PIGL: variants seen among roughly 807,000 people sequenced by gnomAD.
PIGL encodes N-acetylglucosaminyl-phosphatidylinositol de-N-acetylase.
In PIGL, 22 loss-of-function variants were observed where a neutral mutation model predicts 31.1. That is an observed-to-expected ratio of 0.71 (90% CI 0.51 to 1.01). The LOEUF is 1.01. Among genes scored for constraint, PIGL ranks in the 50% least tolerant of loss-of-function variants. The pLI is 0.00. For synonymous variants in PIGL, 131 were observed against 117.4 expected, an observed-to-expected ratio of 1.12 and a Z score of -0.75; for missense variants, 302 against 315.9, an observed-to-expected ratio of 0.96 and a Z score of 0.33.
At chr17:16,247,745 C>T (rs1024013351) in intron 2 of PIGL, among the ~76,000 whole-genome samples, 1 of 152,206 alleles carries the variant, frequency 6.6e-6, no homozygotes, top group Non-Finnish European at 1.5e-5. Context: ...GTCCAGCAGG[C>T]TTCTTTCGTC....
At position 16,251,904 on chromosome 17, in the gene PIGL, A is replaced by G. The variant is rs956750984; in HGVS notation, c.335+17834A>G. 4.6e-5 allele frequency among the ~76,000 whole-genome samples: 7 copies of G among 152,030 alleles called. No individual in the cohort carries two copies. The East Asian group carries it at 9.6e-4, about 21-fold the overall frequency. ...GGAGATTAGAGACCCTTTCCAGAAT[A>G]CTTGGGAACGGTATGTGATTGAGAA... is the stretch of plus-strand genomic sequence containing the variant. On this transcript the variant is annotated intron_variant, in intron 2 of 6. Coordinates refer to ENST00000225609, the MANE Select transcript of PIGL (RefSeq NM_004278.4).
chr17:16,235,555 T>TC (rs1017447265), intron 2 of PIGL, among the ~76,000 whole-genome samples: 7 of 148,112 alleles, frequency 4.7e-5, no homozygotes, highest in Non-Finnish European at 8.9e-5. Flanking sequence ...CAAGCGGTTC[T>TC]CCCCCCTCAG....
chr17:16,224,934 G>C (rs1248503738), intron 1 of PIGL, among the ~76,000 whole-genome samples: 2 of 152,214 alleles, frequency 1.3e-5, no homozygotes, highest in Non-Finnish European at 2.9e-5. Flanking sequence ...GGGATTACAG[G>C]CGTGAGCCAC....
intron 6 of PIGL, among the ~76,000 whole-genome samples, chr17:16,325,191 A>G (rs576341110): frequency 1.6e-3 from 236 of 152,136 alleles, no homozygotes; most frequent in African/African-American, 5.5e-3. Context: ...TAAATATACA[A>G]AAAATTAGCC....
intron 2 of PIGL, among the ~76,000 whole-genome samples, chr17:16,290,311 G>A (rs2092955105): frequency 6.6e-6 from 1 of 151,900 alleles, no homozygotes; most frequent in Non-Finnish European, 1.5e-5. Flanking sequence ...TCGAGCTCTT[G>A]ACCTCAAGTG....
chr17:16,262,294 A>G (rs60436356), intron 2 of PIGL, among the ~76,000 whole-genome samples: 7,422 of 152,270 alleles, frequency 0.049, 620 homozygotes, highest in African/African-American at 0.17. Flanking sequence ...AGAAGGTATC[A>G]AATGGGCCAA....
intron 1 of PIGL, among the ~76,000 whole-genome samples, chr17:16,233,415 C>T (rs546458184): frequency 6.6e-6 from 1 of 152,132 alleles, no homozygotes; most frequent in East Asian, 1.9e-4. Context: ...TCAAGATCCC[C>T]TTGGGGTATG....
rs1422648765 is a variant in PIGL, at chr17:16,326,245, T to A, written c.*347T>A. On this transcript the variant is annotated 3_prime_UTR_variant, in exon 7 of 7. Transcript: ENST00000225609. ...TTATCATAAATGAACATAAAAGTGC[T>A]CTAAAAACACTCCACAGATGTGACT... 7 of 224,806 alleles carry A rather than the reference T, an allele frequency of 3.1e-5. No individual in the cohort carries two copies. The highest frequency in any genetic ancestry group is 6.1e-5 in the Non-Finnish European group (7 of 114,932). The allele number at this position is 224,806 out of a possible 1,614,324, so 13.9% of individuals were successfully genotyped here.
intron 2 of PIGL, among the ~76,000 whole-genome samples, chr17:16,238,421 G>C (rs999507935): frequency 1.0e-4 from 15 of 149,686 alleles, no homozygotes; most frequent in Admixed American, 1.0e-3. Context: ...GAAGGTACTG[G>C]AGTGTTTCTT....
chr17:16,235,718 G>T (rs1410527311), intron 2 of PIGL, among the ~76,000 whole-genome samples: 1 of 148,276 alleles, frequency 6.7e-6, no homozygotes, highest in East Asian at 2.0e-4. Flanking sequence ...CTCCCAAAGT[G>T]CTGTGATTAT....
chr17:16,316,640 T>G (rs1568844992), intron 4 of PIGL, 41 bp from the exon 5 acceptor site: 16 of 1,552,848 alleles, frequency 1.0e-5, no homozygotes, highest in Admixed American at 3.4e-5. Flanking sequence ...ACAAAGGAAA[T>G]GATCCTTACT....
rs1023799675 is a variant in PIGL, at chr17:16,257,649, GT to G, written c.335+23589del. On this transcript the variant is annotated intron_variant, in intron 2 of 6. Coordinates refer to ENST00000225609, the MANE Select transcript of PIGL (RefSeq NM_004278.4). ...TATATTTTGTGGTTTTCAGCAGTGGGTTTTTTTTTTCCTTTCTTAATAGAAA... is the reference window on the plus strand; with the variant it reads ...TATATTTTGTGGTTTTCAGCAGTGGGTTTTTTTTTCCTTTCTTAATAGAAA... Among the ~76,000 whole-genome samples the G allele has an allele frequency of 9.7e-5, 10 of 102,732 alleles. No individual in the cohort carries two copies. In the East Asian group the frequency reaches 1.4e-3, roughly 15 times the overall value. The allele number at this position is 102,732 out of a possible 152,430, so 67.4% of individuals were successfully genotyped here.
At chr17:16,309,671 G>T (rs944687319) in intron 3 of PIGL, among the ~76,000 whole-genome samples, 2 of 151,982 alleles carry the variant, frequency 1.3e-5, no homozygotes, top group Non-Finnish European at 2.9e-5. Flanking sequence ...GGAGGCAGGA[G>T]AATTGCTTGA....
chr17:16,257,155 G>A (rs900309228), intron 2 of PIGL, among the ~76,000 whole-genome samples: 1 of 151,826 alleles, frequency 6.6e-6, no homozygotes, highest in Non-Finnish European at 1.5e-5. Context: ...GGTGGCTCAT[G>A]CCTGTAATCC....
At chr17:16,236,820 C>CAG (rs1568785508) in intron 2 of PIGL, among the ~76,000 whole-genome samples, 1 of 152,186 alleles carries the variant, frequency 6.6e-6, no homozygotes. Flanking sequence ...CTGCCTGCCT[C>CAG]AGCCTCCCAA....
chr17:16,274,366 C>A (rs1351407814), intron 2 of PIGL, among the ~76,000 whole-genome samples: 4 of 152,134 alleles, frequency 2.6e-5, no homozygotes, highest in Admixed American at 6.6e-5. Context: ...TGCTGTAGAA[C>A]ATAGGTCACT....
intron 2 of PIGL, among the ~76,000 whole-genome samples, chr17:16,283,386 T>G (rs1451769978): frequency 6.6e-6 from 1 of 152,154 alleles, no homozygotes; most frequent in Non-Finnish European, 1.5e-5. Context: ...GAGGATTGCC[T>G]GATCCTAGGA....
Position 16,251,913 on chromosome 17 carries a change from C to T in PIGL, c.335+17843C>T, listed in dbSNP as rs144240896. ...AGACCCTTTCCAGAATACTTGGGAACGGTATGTGATTGAGAAATGCAGCCA... is the reference window on the plus strand; with the variant it reads ...AGACCCTTTCCAGAATACTTGGGAATGGTATGTGATTGAGAAATGCAGCCA... On this transcript the variant is annotated intron_variant, in intron 2 of 6. Transcript: ENST00000225609. Among the ~76,000 whole-genome samples the T allele has an allele frequency of 3.9e-5, 6 of 151,950 alleles. No homozygotes were observed. The East Asian group carries it at 9.7e-4, about 24-fold the overall frequency.
At chr17:16,307,607 G>A (rs374743132) in intron 3 of PIGL, among the ~76,000 whole-genome samples, 28 of 152,180 alleles carry the variant, frequency 1.8e-4, no homozygotes, top group African/African-American at 6.0e-4. Context: ...TAACCCCAGT[G>A]CCTGGTACAG....
Sources: gnomAD v4.1 joint callset for allele counts (sites outside exome capture counted in the v4.1 genomes callset) on GRCh38, gnomAD v4.1.1 for gene constraint, MANE v1.5 for transcripts, NCBI Gene and HGNC (gene_info 2026-07-23, HGNC 2026-07-21) for gene names.